The following PREX1 variants were observed in gnomAD, a reference collection of about 807,000 sequenced individuals.
PREX1 encodes the protein phosphatidylinositol-3,4,5-trisphosphate dependent Rac exchange factor 1.
In PREX1, 41 loss-of-function variants were observed where a neutral mutation model predicts 198.3. The observed-to-expected ratio is 0.21, with a 90% CI of 0.16 to 0.27. PREX1 has a LOEUF of 0.27. Among genes scored for constraint, PREX1 ranks in the 10% least tolerant of loss-of-function variants. PREX1 has a pLI of 1.00. For missense variants in PREX1, 1,620 were observed against 2,200.7 expected (o/e 0.74, Z 5.28); for synonymous variants, 843 against 887.2 (o/e 0.95, Z 0.89).
chr20:48,630,241 C>T (rs948459837), intron 36 of PREX1, among the ~76,000 whole-genome samples: 13 of 152,166 alleles, frequency 8.5e-5, no homozygotes, highest in African/African-American at 2.2e-4. Flanking sequence ...CCCAAGGAGC[C>T]GAACTATCGA....
intron 1 of PREX1, among the ~76,000 whole-genome samples, chr20:48,766,666 G>C (rs2090209506): frequency 6.6e-6 from 1 of 152,138 alleles, no homozygotes; most frequent in Admixed American, 6.5e-5. Flanking sequence ...CCATGCATAG[G>C]CTCCCATACT....
chr20:48,812,173 T>C (rs1412514739), intron 1 of PREX1, among the ~76,000 whole-genome samples: 1 of 152,170 alleles, frequency 6.6e-6, no homozygotes, highest in Non-Finnish European at 1.5e-5. Context: ...AAAGAACCGG[T>C]AGCAATCAAC....
rs1318748141 is a variant in PREX1 at position 48,633,599 on chromosome 20, G to A, written c.4268-960C>T. Among the ~76,000 whole-genome samples the A allele has an allele frequency of 2.6e-5, 4 of 152,300 alleles. No individual in the cohort carries two copies. In the East Asian group the frequency reaches 7.7e-4, roughly 29 times the overall value. ...TGGACTCCACCTCCAGAGTTTCTGA[G>A]GCCGTAGTTCTGGCTGGGCCGGAGA... On this transcript the variant is annotated intron_variant, in intron 33 of 39. Coordinates refer to ENST00000371941, the MANE Select transcript of PREX1 (RefSeq NM_020820.4).
intron 29 of PREX1, among the ~76,000 whole-genome samples, chr20:48,640,981 G>A (rs1004115223): frequency 1.3e-5 from 2 of 151,870 alleles, no homozygotes; most frequent in African/African-American, 4.8e-5. Flanking sequence ...TGGCTGAGTG[G>A]GTGAATGGAT....
At position 48,642,245 on chromosome 20, in the gene PREX1, T is replaced by A; in HGVS notation, c.3698A>T (p.Asn1233Ile). 1 of 1,614,180 alleles carries A rather than the reference T, an allele frequency of 6.2e-7. No individual in the cohort carries two copies. Among genetic ancestry groups the A allele is most frequent in the South Asian group, 1.1e-5 (1 of 91,086 alleles). The change falls in exon 29 of 40, where the codon AAT (asparagine) becomes ATT (isoleucine). Residue 1233 changes from asparagine to isoleucine, a missense_variant. Around this residue, in one of 7 missense-constraint regions of PREX1, gnomAD observed 476 missense variants for 603.4 expected, o/e 0.79. Coordinates refer to ENST00000371941, the MANE Select transcript of PREX1 (RefSeq NM_020820.4). Reference protein sequence around the residue: ...EHLFNQVDSINALLKGPVMSR... With the variant: ...EHLFNQVDSIIALLKGPVMSR... ...CATGACTGGCCCCTTGAGGAGAGCATTGATGGAGTCCACCTGGGTGGCAAG... is the reference window on the plus strand; with the variant it reads ...CATGACTGGCCCCTTGAGGAGAGCAATGATGGAGTCCACCTGGGTGGCAAG...
At chr20:48,694,074 G>C (rs1013279369) in intron 7 of PREX1, among the ~76,000 whole-genome samples, 1 of 151,848 alleles carries the variant, frequency 6.6e-6, no homozygotes, top group Non-Finnish European at 1.5e-5. Flanking sequence ...ACCATGGCCG[G>C]GTAATTTTTG....
At chr20:48,788,147 G>A (rs1188437617) in intron 1 of PREX1, among the ~76,000 whole-genome samples, 2 of 152,206 alleles carry the variant, frequency 1.3e-5, no homozygotes, top group Non-Finnish European at 2.9e-5. Flanking sequence ...GAAGTTTTCT[G>A]TAAGCCGGGA....
At chr20:48,797,849 T>C (rs1333113819) in intron 1 of PREX1, among the ~76,000 whole-genome samples, 1 of 152,206 alleles carries the variant, frequency 6.6e-6, no homozygotes, top group African/African-American at 2.4e-5. Flanking sequence ...GGAGAGTCGA[T>C]GACAGGCCTG....
chr20:48,739,892 TA>T (rs1438731961), intron 3 of PREX1, among the ~76,000 whole-genome samples: 1 of 152,200 alleles, frequency 6.6e-6, no homozygotes, highest in Admixed American at 6.5e-5. Context: ...TAACCACCTT[TA>T]AAGAGTGTTG....
At chr20:48,702,916 C>T (rs1389351791) in intron 6 of PREX1, among the ~76,000 whole-genome samples, 3 of 152,226 alleles carry the variant, frequency 2.0e-5, no homozygotes, top group South Asian at 2.1e-4. Flanking sequence ...GGGAGTTTCA[C>T]GTGACAGACC....
At chr20:48,728,825 T>A (rs1008360955) in intron 4 of PREX1, among the ~76,000 whole-genome samples, 20 of 151,016 alleles carry the variant, frequency 1.3e-4, no homozygotes, top group African/African-American at 3.6e-4. Flanking sequence ...TATTTTCTTT[T>A]AAAAAAAAAC....
At chr20:48,866,764 C>T in the PREX1 span, among the ~76,000 whole-genome samples, 5 of 151,926 alleles carry the variant, frequency 3.3e-5, no homozygotes, top group Admixed American at 2.6e-4. Context: ...CCATCTCTAC[C>T]CCCAAAAATA....
intron 29 of PREX1, 143 bp downstream of exon 29, chr20:48,642,025 C>A: frequency 1.3e-6 from 1 of 767,382 alleles, no homozygotes; most frequent in Non-Finnish European, 2.2e-6. Context: ...CTGGATGTGG[C>A]CCATGGGCTA....
At chr20:48,764,688 G>T (rs1021549996) in intron 1 of PREX1, among the ~76,000 whole-genome samples, 1 of 151,140 alleles carries the variant, frequency 6.6e-6, no homozygotes, top group Non-Finnish European at 1.5e-5. Context: ...AGGCTGAGGC[G>T]TGAGAATTGC....
intron 1 of PREX1, among the ~76,000 whole-genome samples, chr20:48,756,199 G>A (rs1836665220): frequency 1.3e-5 from 2 of 152,202 alleles, no homozygotes; most frequent in African/African-American, 4.8e-5. Context: ...CTGGCCTGGA[G>A]CTTCCACAGC....
chr20:48,693,113 C>A (rs1029456036), intron 7 of PREX1, among the ~76,000 whole-genome samples: 1 of 152,152 alleles, frequency 6.6e-6, no homozygotes, highest in African/African-American at 2.4e-5. Context: ...TGAGGAAAGA[C>A]CTGTTAAGTT....
At chr20:48,712,121 TCAC>T (rs1383130501) in intron 5 of PREX1, among the ~76,000 whole-genome samples, 1 of 152,210 alleles carries the variant, frequency 6.6e-6, no homozygotes, top group African/African-American at 2.4e-5. Flanking sequence ...TGGGATAAAT[TCAC>T]CATGAAACTG....
At chr20:48,651,182 T>C (rs1427636866) in intron 22 of PREX1, 127 bp from the exon 23 acceptor site, 3 of 1,323,738 alleles carry the variant, frequency 2.3e-6, no homozygotes, top group African/African-American at 1.5e-5. Context: ...CTGGCCCATA[T>C]TGCACGGGAG....
chr20:48,676,345 AGGAC>A, intron 13 of PREX1, 77 bp from the exon 14 acceptor site: 1 of 1,364,784 alleles, frequency 7.3e-7, no homozygotes, highest in Non-Finnish European at 1.0e-6. Context: ...ACTTCCCTGC[AGGAC>A]GTGCCCACGA....
Sources: gnomAD v4.1 joint callset for allele counts (sites outside exome capture counted in the v4.1 genomes callset) on GRCh38, gnomAD v4.1.1 for gene constraint, gnomAD v4.1.1 regional missense constraint, MANE v1.5 for transcripts, NCBI Gene and HGNC (gene_info 2026-07-23, HGNC 2026-07-21) for gene names.